MAPRE2: variants seen among roughly 807,000 people sequenced by gnomAD.
MAPRE2 encodes microtubule associated protein RP/EB family member 2.
In MAPRE2, 13 loss-of-function variants were observed where a neutral mutation model predicts 43.2. The ratio of observed to expected loss-of-function variants is 0.30; its 90% CI spans 0.20 to 0.48. MAPRE2 has a LOEUF of 0.48. Among genes scored for constraint, MAPRE2 ranks in the 20% least tolerant of loss-of-function variants. The pLI is 0.99. For missense variants in MAPRE2, 161 were observed against 400.2 expected (o/e 0.40, Z 5.10); for synonymous variants, 135 against 148.8 (o/e 0.91, Z 0.68).
At chr18:35,032,892 T>C (rs1227886857) in intron 2 of MAPRE2, among the ~76,000 whole-genome samples, 2 of 152,192 alleles carry the variant, frequency 1.3e-5, no homozygotes, top group Non-Finnish European at 2.9e-5. Flanking sequence ...TGGTCATTAA[T>C]TAACATATCC....
chr18:35,011,912 C>A (rs544160624), intron 2 of MAPRE2, among the ~76,000 whole-genome samples: 27 of 151,756 alleles, frequency 1.8e-4, no homozygotes, highest in Admixed American at 1.2e-3. Flanking sequence ...GGAATACAGC[C>A]GGAGGAGGTG....
chr18:35,127,418 T>C (rs1909955845), intron 5 of MAPRE2: 1 of 236,508 alleles, frequency 4.2e-6, no homozygotes, highest in African/African-American at 2.3e-5. Flanking sequence ...CTTCTGGCCA[T>C]TCTAGATAGT....
intron 4 of MAPRE2, among the ~76,000 whole-genome samples, chr18:35,117,553 G>T (rs2073867442): frequency 6.6e-6 from 1 of 152,192 alleles, no homozygotes; most frequent in East Asian, 1.9e-4. Context: ...CACCCTTGAT[G>T]TAGTTGTTGT....
intron 1 of MAPRE2, among the ~76,000 whole-genome samples, chr18:35,060,383 T>TC (rs1906463263): frequency 6.6e-6 from 1 of 152,124 alleles, no homozygotes; most frequent in Non-Finnish European, 1.5e-5. Flanking sequence ...TCATTGAAAT[T>TC]ATTTTCAGAG....
chr18:35,082,995 C>T (rs781496803), intron 2 of MAPRE2, among the ~76,000 whole-genome samples: 1 of 152,100 alleles, frequency 6.6e-6, no homozygotes, highest in Non-Finnish European at 1.5e-5. Context: ...GGTCATATTC[C>T]TCAATAAGTA....
At chr18:35,052,506 G>A (rs746881176) in intron 1 of MAPRE2, among the ~76,000 whole-genome samples, 28 of 152,156 alleles carry the variant, frequency 1.8e-4, no homozygotes, top group Admixed American at 8.5e-4. Context: ...TAGGAATTAT[G>A]AAGCAAGTTT....
intron 4 of MAPRE2, among the ~76,000 whole-genome samples, chr18:35,107,823 G>T (rs1255940752): frequency 6.6e-6 from 1 of 151,696 alleles, no homozygotes; most frequent in Non-Finnish European, 1.5e-5. Context: ...TTTTTTTGTT[G>T]TCCAGTTCTA....
intron 1 of MAPRE2, among the ~76,000 whole-genome samples, chr18:35,042,875 T>C (rs561774552): frequency 6.6e-6 from 1 of 152,152 alleles, no homozygotes; most frequent in African/African-American, 2.4e-5. Flanking sequence ...AACCAGAAAG[T>C]ACCCTACTTC....
intron 4 of MAPRE2, among the ~76,000 whole-genome samples, chr18:35,112,967 G>A (rs1909246104): frequency 6.6e-6 from 1 of 152,182 alleles, no homozygotes; most frequent in African/African-American, 2.4e-5. Flanking sequence ...TCCTCAGATG[G>A]CAGAAGAGGC....
intron 2 of MAPRE2, among the ~76,000 whole-genome samples, chr18:35,019,234 C>T (rs1232625439): frequency 6.6e-6 from 1 of 151,910 alleles, no homozygotes; most frequent in South Asian, 2.1e-4. Flanking sequence ...TATTGAGACA[C>T]TTTATGGCTG....
chr18:34,986,729 C>T (rs1339660342), intron 1 of MAPRE2, among the ~76,000 whole-genome samples: 1 of 152,134 alleles, frequency 6.6e-6, no homozygotes, highest in Non-Finnish European at 1.5e-5. Context: ...CAGCACCTGA[C>T]CTTCAGCACT....
At chr18:35,055,988 T>C (rs538934933) in intron 1 of MAPRE2, among the ~76,000 whole-genome samples, 3 of 151,734 alleles carry the variant, frequency 2.0e-5, no homozygotes, top group East Asian at 1.9e-4. Flanking sequence ...TAGGAAGATA[T>C]GAATATGAGT....
At chr18:35,020,942 AC>A (rs1371899241) in intron 2 of MAPRE2, among the ~76,000 whole-genome samples, 9 of 152,216 alleles carry the variant, frequency 5.9e-5, no homozygotes, top group Admixed American at 4.6e-4. Flanking sequence ...GGAACTCAAT[AC>A]ATATTTTTAA....
intron 4 of MAPRE2, among the ~76,000 whole-genome samples, chr18:35,113,631 G>A (rs1331330842): frequency 6.6e-6 from 1 of 152,242 alleles, no homozygotes; most frequent in East Asian, 1.9e-4. Flanking sequence ...CCAGGCACAT[G>A]CCTGTAGTCC....
At chr18:35,005,604 T>TTTAAGC in intron 2 of MAPRE2, 1 of 1,123,598 alleles carries the variant, frequency 8.9e-7, no homozygotes, top group Non-Finnish European at 1.3e-6. Context: ...AAAATTAATT[T>TTTAAGC]AAAGTGAGTA....
intron 1 of MAPRE2, among the ~76,000 whole-genome samples, chr18:34,981,866 T>TTA (rs1484109170): frequency 1.4e-4 from 5 of 35,762 alleles, no homozygotes; most frequent in East Asian, 3.4e-3. Flanking sequence ...CTTTATTTAT[T>TTA]TTTTTTTTTT....
intron 2 of MAPRE2, among the ~76,000 whole-genome samples, chr18:35,009,395 AT>A (rs2097033337): frequency 6.6e-6 from 1 of 152,188 alleles, no homozygotes; most frequent in Non-Finnish European, 1.5e-5. Context: ...TGTAAAGAAT[AT>A]TTTTTAAAAA....
Position 35,125,386 on chromosome 18 carries a change from C to T in MAPRE2, c.611-1562C>T, listed in dbSNP as rs1018915649. Among the ~76,000 whole-genome samples the T allele has an allele frequency of 2.6e-5, 4 of 152,176 alleles. No homozygotes were observed. In the East Asian group the frequency reaches 7.7e-4, roughly 29 times the overall value. ...GGAAATAAACTGTAAAATTGGAAAC[C>T]GCATCACTAAAAGTTTTATTTACTT... On this transcript the variant is annotated intron_variant, in intron 4 of 6. Coordinates refer to ENST00000300249, the MANE Select transcript of MAPRE2 (RefSeq NM_014268.4).
At chr18:35,032,172 TG>T (rs2150592701) in intron 2 of MAPRE2, among the ~76,000 whole-genome samples, 1 of 152,154 alleles carries the variant, frequency 6.6e-6, no homozygotes, top group Non-Finnish European at 1.5e-5. Context: ...AATATACACA[TG>T]GGGGAAATGG....
Sources: gnomAD v4.1 joint callset for allele counts (sites outside exome capture counted in the v4.1 genomes callset) on GRCh38, gnomAD v4.1.1 for gene constraint, MANE v1.5 for transcripts, NCBI Gene and HGNC (gene_info 2026-07-23, HGNC 2026-07-21) for gene names.